The following ASIC2 variants were observed in gnomAD, a reference collection of about 807,000 sequenced individuals.
The protein encoded by ASIC2 is acid-sensing ion channel 2.
ASIC2 carries 25 observed loss-of-function variants against 57.3 expected under a neutral mutation model. That is an observed-to-expected ratio of 0.44 (90% CI 0.32 to 0.61). ASIC2 has a LOEUF of 0.61. Among genes scored for constraint, ASIC2 ranks in the 20% least tolerant of loss-of-function variants. The pLI is 0.06. For synonymous variants in ASIC2, 319 were observed against 307.5 expected, an observed-to-expected ratio of 1.04 and a Z score of -0.39; for missense variants, 641 against 738.1, an observed-to-expected ratio of 0.87 and a Z score of 1.52.
At chr17:33,748,513 C>T (rs1910332577) in intron 1 of ASIC2, among the ~76,000 whole-genome samples, 1 of 152,142 alleles carries the variant, frequency 6.6e-6, no homozygotes, top group Non-Finnish European at 1.5e-5. Flanking sequence ...GCAGGGCTTC[C>T]TGATAGGAAA....
At chr17:33,936,837 A>T (rs1004429946) in intron 1 of ASIC2, 1 of 152,320 alleles carries the variant, frequency 6.6e-6, no homozygotes, top group African/African-American at 2.4e-5. Flanking sequence ...AGAGACAAGC[A>T]TGAACACATC....
chr17:33,629,769 G>A (rs1906101955), intron 1 of ASIC2, among the ~76,000 whole-genome samples: 1 of 152,148 alleles, frequency 6.6e-6, no homozygotes, highest in Admixed American at 6.5e-5. Context: ...AAACTTCCAG[G>A]GTAGCAAACC....
intron 1 of ASIC2, among the ~76,000 whole-genome samples, chr17:33,642,219 CCCA>C (rs1398844740): frequency 1.8e-4 from 25 of 140,296 alleles, no homozygotes; most frequent in South Asian, 1.4e-3. Flanking sequence ...CCCCCCCCCC[CCCA>C]CACACAATGG....
At chr17:33,423,376 T>C (rs1305147776) in intron 1 of ASIC2, among the ~76,000 whole-genome samples, 1 of 152,166 alleles carries the variant, frequency 6.6e-6, no homozygotes, top group Non-Finnish European at 1.5e-5. Flanking sequence ...CTGTGATTAA[T>C]TATTCTGAGC....
chr17:33,771,492 C>T (rs1032904135), intron 1 of ASIC2, among the ~76,000 whole-genome samples: 11 of 152,090 alleles, frequency 7.2e-5, no homozygotes, highest in Non-Finnish European at 1.0e-4. Flanking sequence ...TTTTTTAAGC[C>T]TGTGCCTGTG....
chr17:33,343,258 T>C (rs1907803268), intron 1 of ASIC2, among the ~76,000 whole-genome samples: 1 of 152,166 alleles, frequency 6.6e-6, no homozygotes, highest in African/African-American at 2.4e-5. Context: ...AAGGCTCTCC[T>C]CCAGGAAGCT....
chr17:33,842,460 A>G (rs1001760080), intron 1 of ASIC2, among the ~76,000 whole-genome samples: 1 of 152,224 alleles, frequency 6.6e-6, no homozygotes, highest in Non-Finnish European at 1.5e-5. Context: ...AATGTGCTGC[A>G]CTGAGGTTTA....
intron 1 of ASIC2, among the ~76,000 whole-genome samples, chr17:33,864,687 T>A (rs775129357): frequency 1.3e-5 from 2 of 152,124 alleles, no homozygotes; most frequent in Non-Finnish European, 2.9e-5. Flanking sequence ...GTCAGCAGGG[T>A]GGCAGGTGCC....
At chr17:33,899,456 G>T (rs948012986) in intron 1 of ASIC2, among the ~76,000 whole-genome samples, 1 of 152,112 alleles carries the variant, frequency 6.6e-6, no homozygotes, top group African/African-American at 2.4e-5. Context: ...GGGCAATACC[G>T]CCAGAGGGTG....
At chr17:33,541,142 A>G (rs1018053718) in intron 1 of ASIC2, 3 of 152,132 alleles carry the variant, frequency 2.0e-5, no homozygotes, top group Admixed American at 1.3e-4. Flanking sequence ...TGGTTTTGCC[A>G]TCTTAAGGTT....
chr17:33,530,610 G>A (rs933102067), intron 1 of ASIC2, among the ~76,000 whole-genome samples: 6 of 152,192 alleles, frequency 3.9e-5, no homozygotes, highest in Non-Finnish European at 8.8e-5. Flanking sequence ...AGGCCTTTTG[G>A]GCCTGCACTA....
chr17:34,129,310 T>C (rs1192929598), intron 1 of ASIC2, among the ~76,000 whole-genome samples: 2 of 152,198 alleles, frequency 1.3e-5, no homozygotes, highest in African/African-American at 4.8e-5. Flanking sequence ...AGCCCCACTC[T>C]GCCTCACTCT....
At chr17:33,283,432 G>GT (rs1210174174) in intron 1 of ASIC2, among the ~76,000 whole-genome samples, 1 of 152,204 alleles carries the variant, frequency 6.6e-6, no homozygotes, top group Non-Finnish European at 1.5e-5. Context: ...TGAGGGCCTA[G>GT]TAACCCGGAC....
rs191497798 is a variant in ASIC2 at position 33,434,174 on chromosome 17, A to G, written c.556-322107T>C. On this transcript the variant is annotated intron_variant, in intron 1 of 9. Coordinates refer to the ASIC2 transcript ENST00000359872. ...TAAATAGAACAAAAAGACAAATGGT[A>G]TTTGAGAGAAAATGAAAATACTGAA... Among the ~76,000 whole-genome samples the G allele has an allele frequency of 1.7e-3, 264 of 152,062 alleles. 2 individuals are homozygous for G. The highest frequency in any genetic ancestry group is 3.0e-3 in the Non-Finnish European group (201 of 67,984).
At chr17:33,577,984 T>C (rs566140204) in intron 1 of ASIC2, among the ~76,000 whole-genome samples, 1 of 152,064 alleles carries the variant, frequency 6.6e-6, no homozygotes, top group Non-Finnish European at 1.5e-5. Flanking sequence ...TGTTGCTTAC[T>C]TGGGCTTCCA....
chr17:33,590,596 C>T (rs7218421), intron 1 of ASIC2, among the ~76,000 whole-genome samples: 8 of 150,398 alleles, frequency 5.3e-5, no homozygotes, highest in Non-Finnish European at 8.8e-5. Flanking sequence ...CTATACCACA[C>T]CCCAGTCTCT....
chr17:34,093,388 A>G (rs1050608446), intron 1 of ASIC2, among the ~76,000 whole-genome samples: 2 of 152,168 alleles, frequency 1.3e-5, no homozygotes, highest in Non-Finnish European at 2.9e-5. Flanking sequence ...CCAGGGATTC[A>G]TATTTCTGTC....
intron 1 of ASIC2, among the ~76,000 whole-genome samples, chr17:34,067,535 C>A (rs1484729288): frequency 6.6e-6 from 1 of 152,054 alleles, no homozygotes; most frequent in East Asian, 1.9e-4. Flanking sequence ...TACTGCATGA[C>A]AATTATAAGT....
At chr17:34,095,670 T>TATATATAATTTTATATATATAG (rs1567818979) in intron 1 of ASIC2, among the ~76,000 whole-genome samples, 5 of 92,784 alleles carry the variant, frequency 5.4e-5, no homozygotes, top group Non-Finnish European at 9.0e-5. Flanking sequence ...TATATATATA[T>TATATATAATTTTATATATATAG]AGAGAGAGAG....
Sources: allele counts gnomAD v4.1 joint callset (sites outside exome capture counted in the v4.1 genomes callset), GRCh38; gene constraint gnomAD v4.1.1; transcripts MANE v1.5; gene names NCBI Gene and HGNC (gene_info 2026-07-23, HGNC 2026-07-21).